Variants in AVEN observed in about 807,000 individuals in gnomAD.
AVEN encodes the protein cell death regulator Aven.
A neutral mutation model predicts 38.1 loss-of-function variants in AVEN; 41 were observed. The ratio of observed to expected loss-of-function variants is 1.08; its 90% CI spans 0.84 to 1.40. AVEN has a LOEUF of 1.40. Ranked by LOEUF, AVEN falls within the 40% of genes most tolerant of loss-of-function variation. The pLI is 0.00. For synonymous variants in AVEN, 206 were observed against 171.8 expected (o/e 1.20, Z -1.56); for missense variants, 605 against 438.8 (o/e 1.38, Z -3.38).
At chr15:33,884,643 T>G (rs1567395331) in intron 2 of AVEN, among the ~76,000 whole-genome samples, 1 of 151,824 alleles carries the variant, frequency 6.6e-6, no homozygotes, top group Non-Finnish European at 1.5e-5. Context: ...ATAATACAGC[T>G]GCCAATTTTA....
rs1892797708 is a variant in AVEN, at chr15:33,908,598, T to C, written c.446-32603A>G. On this transcript the variant is annotated intron_variant, in intron 2 of 5. Transcript: ENST00000306730. Reference sequence around the variant, plus strand: ...TGGGTGACTCATATAAGTAGAATCATACAGTATTTTTCTTTTTTTTCTGAC... The same window carrying C: ...TGGGTGACTCATATAAGTAGAATCACACAGTATTTTTCTTTTTTTTCTGAC... Among the ~76,000 whole-genome samples the C allele has an allele frequency of 2.0e-5, 3 of 152,336 alleles. No homozygotes were observed. The South Asian group carries it at 6.2e-4, about 32-fold the overall frequency.
At chr15:34,022,552 G>A (rs1175796557) in intron 1 of AVEN, among the ~76,000 whole-genome samples, 2 of 152,210 alleles carry the variant, frequency 1.3e-5, no homozygotes, top group East Asian at 3.9e-4. Context: ...GCAGCAGGAA[G>A]GGTACACAAA....
chr15:34,022,311 T>C (rs887113818), intron 1 of AVEN, among the ~76,000 whole-genome samples: 1 of 152,184 alleles, frequency 6.6e-6, no homozygotes, highest in South Asian at 2.1e-4. Flanking sequence ...ATTTTCCCCA[T>C]GACAAGACAG....
At position 34,003,155 on chromosome 15, in the gene AVEN, T is replaced by G. The variant is rs1236036093; in HGVS notation, c.322A>C (p.Asn108His). 4 of 1,613,854 alleles carry G rather than the reference T, an allele frequency of 2.5e-6. No homozygotes were observed. In the Admixed American group the frequency reaches 6.7e-5, roughly 27 times the overall value. Residue 108 changes from asparagine to histidine, a missense_variant, in exon 2 of 6, where the codon AAT becomes CAT. By Grantham distance (68) the Asn-to-His change is moderately conservative (BLOSUM62 1). Coordinates refer to ENST00000306730, the MANE Select transcript of AVEN (RefSeq NM_020371.3). ...GAGACAATCTTTCTTTTAGAATAAT[T>G]TCCCTGTTCATCATTCTCTTCTCCA... ...TYGEENDEQG[N>H]YSKRKIVSNW...
intron 2 of AVEN, among the ~76,000 whole-genome samples, chr15:33,962,968 G>T (rs1019320634): frequency 2.1e-5 from 3 of 139,918 alleles, no homozygotes; most frequent in Non-Finnish European, 4.5e-5. Context: ...TTCTCATACA[G>T]AAGTATAATC....
At chr15:33,853,240 A>G in the AVEN span, among the ~76,000 whole-genome samples, 1 of 152,246 alleles carries the variant, frequency 6.6e-6, no homozygotes, top group Admixed American at 6.5e-5. Flanking sequence ...GGATATGAAC[A>G]TATGTAGGTT....
At position 33,982,421 on chromosome 15, in the gene AVEN, GA is replaced by G. The variant is rs201345915; in HGVS notation, c.445+20610del. Among the ~76,000 whole-genome samples, 433 of 151,944 alleles carry G rather than the reference GA, an allele frequency of 2.8e-3. 2 individuals carry two copies. Among genetic ancestry groups the G allele is most frequent in the African/African-American group, 9.7e-3 (404 of 41,444 alleles). On this transcript the variant is annotated intron_variant, in intron 2 of 5. Transcript: ENST00000306730. Reference sequence around the variant, plus strand: ...CTGCCAAAAATAAAAATTAAAAAAGGAAAAAAATAAATGGAAGTATTTCTGA... The same window carrying G: ...CTGCCAAAAATAAAAATTAAAAAAGGAAAAAATAAATGGAAGTATTTCTGA...
chr15:33,876,639 T>C (rs62016712), intron 2 of AVEN, among the ~76,000 whole-genome samples: 2 of 152,102 alleles, frequency 1.3e-5, no homozygotes, highest in Non-Finnish European at 2.9e-5. Flanking sequence ...TTTGTGGATA[T>C]ACATGTGTAT....
chr15:34,032,601 C>T (rs1597373456), intron 1 of AVEN, among the ~76,000 whole-genome samples: 1 of 152,144 alleles, frequency 6.6e-6, no homozygotes, highest in African/African-American at 2.4e-5. Context: ...TAGCTGTCCT[C>T]AAAACGGAGT....
At chr15:33,859,949 A>AG (rs1375632671) in intron 11 of AVEN, among the ~76,000 whole-genome samples, 1 of 152,222 alleles carries the variant, frequency 6.6e-6, no homozygotes, top group African/African-American at 2.4e-5. Context: ...ATCCATACAG[A>AG]GGAACCCCTT....
intron 5 of AVEN, among the ~76,000 whole-genome samples, chr15:34,046,307 A>G (rs925831762): frequency 1.3e-5 from 2 of 150,366 alleles, no homozygotes; most frequent in African/African-American, 4.9e-5. Context: ...GCAGCCTAGG[A>G]ATCAGGAAAA....
At chr15:33,950,666 G>T (rs2140449003) in intron 2 of AVEN, among the ~76,000 whole-genome samples, 1 of 152,096 alleles carries the variant, frequency 6.6e-6, no homozygotes, top group Admixed American at 6.5e-5. Context: ...ATAATTTTTA[G>T]TCTCCTTGGC....
chr15:33,883,039 A>C (rs7172206), intron 2 of AVEN, among the ~76,000 whole-genome samples: 138,127 of 152,264 alleles, frequency 0.91, 62,728 homozygotes, highest in East Asian at 0.99. Context: ...TCATGACCAT[A>C]AAACAAATCT....
chr15:33,870,042 C>T (rs1305633546), intron 4 of AVEN, among the ~76,000 whole-genome samples: 3 of 152,122 alleles, frequency 2.0e-5, no homozygotes, highest in East Asian at 1.9e-4. Flanking sequence ...GTCCAAAACT[C>T]ACCCTTCCTG....
At chr15:34,010,984 T>G (rs1328235153) in intron 1 of AVEN, among the ~76,000 whole-genome samples, 1 of 152,202 alleles carries the variant, frequency 6.6e-6, no homozygotes, top group Non-Finnish European at 1.5e-5. Flanking sequence ...ATAGAAAAAC[T>G]CATAAACCAT....
chr15:33,895,843 G>C (rs1221479575), intron 2 of AVEN, among the ~76,000 whole-genome samples: 1 of 152,096 alleles, frequency 6.6e-6, no homozygotes, highest in African/African-American at 2.4e-5. Context: ...TTTTAGATAA[G>C]GTATAATAAC....
chr15:33,861,170 C>T, intron 11 of AVEN: 1 of 1,585,614 alleles, frequency 6.3e-7, no homozygotes, highest in Non-Finnish European at 8.6e-7. Context: ...ACAACTTAGC[C>T]AACTACTTGT....
intron 5 of AVEN, among the ~76,000 whole-genome samples, chr15:33,866,956 C>T (rs1890593032): frequency 6.6e-6 from 1 of 151,860 alleles, no homozygotes; most frequent in Admixed American, 6.6e-5. Flanking sequence ...CAAAGACCAA[C>T]AGCTCAGTTT....
At chr15:33,875,368 C>T (rs1891174491) in intron 3 of AVEN, among the ~76,000 whole-genome samples, 1 of 152,140 alleles carries the variant, frequency 6.6e-6, no homozygotes, top group Non-Finnish European at 1.5e-5. Flanking sequence ...AGGAAGCCTG[C>T]TTGGAAAATA....
Sources: allele counts gnomAD v4.1 joint callset (sites outside exome capture counted in the v4.1 genomes callset), GRCh38; gene constraint gnomAD v4.1.1; transcripts MANE v1.5; gene names NCBI Gene and HGNC (gene_info 2026-07-23, HGNC 2026-07-21).